Variants in RUNX2 observed in about 807,000 individuals in gnomAD.
RUNX2 encodes the protein RUNX family transcription factor 2.
Under a neutral mutation model 51.7 loss-of-function variants are expected in RUNX2, and 10 were observed. That is an observed-to-expected ratio of 0.19 (90% CI 0.12 to 0.33). The LOEUF is 0.33. Ranked by LOEUF, RUNX2 falls within the 10% of genes least tolerant of loss-of-function variation. RUNX2 has a pLI of 1.00. For synonymous variants in RUNX2, 276 were observed against 273.6 expected (o/e 1.01, Z -0.09); for missense variants, 562 against 691.3 (o/e 0.81, Z 2.10).
At chr6:45,472,376 T>C (rs1446087621) in intron 5 of RUNX2, among the ~76,000 whole-genome samples, 7 of 152,204 alleles carry the variant, frequency 4.6e-5, no homozygotes, top group Non-Finnish European at 1.0e-4. Context: ...GTATATGATG[T>C]TGGAATTACA....
At chr6:45,487,272 C>T (rs1378048729) in intron 5 of RUNX2, among the ~76,000 whole-genome samples, 3 of 152,108 alleles carry the variant, frequency 2.0e-5, no homozygotes, top group African/African-American at 7.2e-5. Context: ...AAAACAGCCC[C>T]AGGCCAGCAA....
chr6:45,481,878 G>A (rs1800126509), intron 5 of RUNX2, among the ~76,000 whole-genome samples: 1 of 152,152 alleles, frequency 6.6e-6, no homozygotes, highest in Non-Finnish European at 1.5e-5. Context: ...CTAAAATGAA[G>A]AACCCAGTCT....
intron 2 of RUNX2, among the ~76,000 whole-genome samples, chr6:45,378,792 T>C (rs1797136435): frequency 1.3e-5 from 2 of 152,178 alleles, no homozygotes; most frequent in Admixed American, 1.3e-4. Context: ...GTTCTTTAAA[T>C]AATACAGTAG....
Position 45,328,733 on chromosome 6 carries a change from T to A in RUNX2, c.7T>A (p.Ser3Thr). 1 of 1,612,146 alleles carries A rather than the reference T, an allele frequency of 6.2e-7. No homozygotes were observed. The highest frequency in any genetic ancestry group is 8.5e-7 in the Non-Finnish European group (1 of 1,178,702). MA[S>T]NSLFSTVTPC... ...GAAAAAAAAAGGAGGGACTATGGCA[T>A]CAAACAGCCTCTTCAGCACAGTGAC... Residue 3 changes from serine (S) to threonine (T), a missense_variant, in exon 2 of 9, where the codon TCA (serine) becomes ACA (threonine). Physicochemically the swap from Ser to Thr is moderately conservative, Grantham distance 58. Coordinates refer to ENST00000647337, the MANE Select transcript of RUNX2 (RefSeq NM_001024630.4).
At position 45,332,977 on chromosome 6, in the gene RUNX2, C is replaced by A. The variant is rs1349261712; in HGVS notation, c.58+4193C>A. The stretch of plus-strand genomic sequence containing the variant: ...TAGATAAAATTCTGCCTCTCCTCAC[C>A]CCCCAAAAAATCATAAAACTCCCAT... On this transcript the variant is annotated intron_variant, in intron 2 of 8. Transcript: ENST00000647337. Among the ~76,000 whole-genome samples the A allele has an allele frequency of 2.6e-5, 4 of 151,612 alleles. No individual in the cohort carries two copies. In the East Asian group the frequency reaches 7.7e-4, roughly 29 times the overall value.
intron 6 of RUNX2, among the ~76,000 whole-genome samples, chr6:45,498,708 C>T (rs1418716582): frequency 1.3e-5 from 2 of 152,186 alleles, no homozygotes; most frequent in African/African-American, 2.4e-5. Flanking sequence ...TGTATTCCCT[C>T]AGCAAACAGA....
At chr6:45,366,891 A>C (rs774058866) in intron 2 of RUNX2, among the ~76,000 whole-genome samples, 1 of 152,156 alleles carries the variant, frequency 6.6e-6, no homozygotes, top group Non-Finnish European at 1.5e-5. Context: ...TACATCTTCT[A>C]TCTCCATCTC....
rs114201227 is a variant in RUNX2 at position 45,425,457 on chromosome 6, C to T, written c.423+2500C>T. 6.5e-3 allele frequency among the ~76,000 whole-genome samples: 988 copies of T among 152,148 alleles called. 11 individuals are homozygous for T. The highest frequency in any genetic ancestry group is 0.023 in the African/African-American group (945 of 41,516). On this transcript the variant is annotated intron_variant, in intron 3 of 8. Transcript: ENST00000647337. Reference sequence around the variant, plus strand: ...TTTGTATCTTAAGCAGTAAACAGACCGTAGGTAACAAGACCATATTAAATT... The same window carrying T: ...TTTGTATCTTAAGCAGTAAACAGACTGTAGGTAACAAGACCATATTAAATT...
intron 2 of RUNX2, among the ~76,000 whole-genome samples, chr6:45,366,082 C>T (rs968375052): frequency 3.9e-5 from 6 of 152,238 alleles, no homozygotes; most frequent in African/African-American, 1.4e-4. Flanking sequence ...AAACCCTCAT[C>T]TATTACACTA....
chr6:45,330,745 G>A (rs17288278), intron 2 of RUNX2, among the ~76,000 whole-genome samples: 62,729 of 151,216 alleles, frequency 0.41, 13,813 homozygotes, highest in Non-Finnish European at 0.5. Flanking sequence ...ATTACAACCA[G>A]TTCTTCCTCT....
intron 2 of RUNX2, among the ~76,000 whole-genome samples, chr6:45,409,543 T>C (rs1054195136): frequency 6.6e-6 from 1 of 152,226 alleles, no homozygotes; most frequent in Non-Finnish European, 1.5e-5. Context: ...TGCTAAGTCA[T>C]ACAGCATATG....
intron 2 of RUNX2, among the ~76,000 whole-genome samples, chr6:45,413,429 C>CTTTT (rs67659911): frequency 5.3e-5 from 3 of 56,586 alleles, no homozygotes; most frequent in Non-Finnish European, 9.1e-5. Flanking sequence ...AAGATACATT[C>CTTTT]TTTTTTTTTT....
At chr6:45,413,058 C>A (rs76834009) in intron 2 of RUNX2, among the ~76,000 whole-genome samples, 2,161 of 152,064 alleles carry the variant, frequency 0.014, 60 homozygotes, top group African/African-American at 0.049. Context: ...GCGGGAACTG[C>A]CTCTTTTAAA....
At chr6:45,433,246 CT>C (rs1376030941) in intron 4 of RUNX2, among the ~76,000 whole-genome samples, 1 of 152,184 alleles carries the variant, frequency 6.6e-6, no homozygotes, top group Non-Finnish European at 1.5e-5. Flanking sequence ...AGGGAGTTAT[CT>C]CTGCATCAGG....
chr6:45,377,326 G>A (rs1796935978), intron 2 of RUNX2: 1 of 152,158 alleles, frequency 6.6e-6, no homozygotes, highest in Admixed American at 6.5e-5. Flanking sequence ...AGAGAACACA[G>A]CGGATCTTTT....
intron 5 of RUNX2, among the ~76,000 whole-genome samples, chr6:45,454,237 C>T (rs1456571937): frequency 6.6e-6 from 1 of 152,192 alleles, no homozygotes; most frequent in East Asian, 1.9e-4. Context: ...AGGGTCAACC[C>T]ACTGTCAGAT....
At chr6:45,418,023 G>A (rs969895576) in intron 2 of RUNX2, among the ~76,000 whole-genome samples, 5 of 152,130 alleles carry the variant, frequency 3.3e-5, no homozygotes, top group African/African-American at 4.8e-5. Context: ...TCCAAAGATC[G>A]TTCTGTTTAT....
intron 5 of RUNX2, among the ~76,000 whole-genome samples, chr6:45,462,371 G>A (rs138097262): frequency 2.0e-5 from 3 of 152,158 alleles, no homozygotes; most frequent in Admixed American, 1.3e-4. Flanking sequence ...CATTGACATC[G>A]ATAGTCTTAT....
chr6:45,444,990 A>G (rs867751868), intron 5 of RUNX2, among the ~76,000 whole-genome samples: 4 of 152,152 alleles, frequency 2.6e-5, no homozygotes, highest in Admixed American at 6.5e-5. Context: ...AGGCTAGCCC[A>G]TGACTTTTGC....
Sources: allele counts gnomAD v4.1 joint callset (sites outside exome capture counted in the v4.1 genomes callset), GRCh38; gene constraint gnomAD v4.1.1; transcripts MANE v1.5; gene names NCBI Gene and HGNC (gene_info 2026-07-23, HGNC 2026-07-21).